Variants in TMEM178B observed in about 807,000 individuals in gnomAD.
TMEM178B encodes transmembrane protein 178B.
Under a neutral mutation model 31.0 loss-of-function variants are expected in TMEM178B, and 5 were observed. That is an observed-to-expected ratio of 0.16 (90% CI 0.08 to 0.34). TMEM178B has a LOEUF of 0.34. Among genes scored for constraint, TMEM178B ranks in the 10% least tolerant of loss-of-function variants. The pLI is 1.00. For synonymous variants in TMEM178B, 164 were observed against 164.0 expected (o/e 1.00, Z 0.00); for missense variants, 275 against 400.3 (o/e 0.69, Z 2.67).
At chr7:141,256,256 A>T (rs913382440) in intron 2 of TMEM178B, among the ~76,000 whole-genome samples, 1 of 152,240 alleles carries the variant, frequency 6.6e-6, no homozygotes, top group Non-Finnish European at 1.5e-5. Context: ...TTAAATTAAA[A>T]GAAGGGATAG....
chr7:141,309,651 T>TTATTTGTTA (rs1798874789), intron 2 of TMEM178B, among the ~76,000 whole-genome samples: 1 of 152,222 alleles, frequency 6.6e-6, no homozygotes, highest in African/African-American at 2.4e-5. Context: ...AGTTTACTGA[T>TTATTTGTTA]TATTTGTTAT....
intron 1 of TMEM178B, among the ~76,000 whole-genome samples, chr7:141,170,425 G>A (rs1796329680): frequency 6.6e-6 from 1 of 152,022 alleles, no homozygotes; most frequent in Non-Finnish European, 1.5e-5. Flanking sequence ...TTTATTGAGT[G>A]TGTTGTGACC....
intron 3 of TMEM178B, among the ~76,000 whole-genome samples, chr7:141,445,436 T>G (rs575118337): frequency 6.6e-6 from 1 of 152,368 alleles, no homozygotes; most frequent in South Asian, 2.1e-4. Context: ...CCCACCAGCC[T>G]TTCCCCACTG....
chr7:141,437,803 T>C, intron 3 of TMEM178B, 58 bp downstream of exon 3: 1 of 1,531,480 alleles, frequency 6.5e-7, no homozygotes, highest in Non-Finnish European at 8.7e-7. Context: ...TTACCACAAT[T>C]TGGGGAGAAT....
At chr7:141,236,413 TC>T (rs1467489312) in intron 2 of TMEM178B, among the ~76,000 whole-genome samples, 1 of 152,154 alleles carries the variant, frequency 6.6e-6, no homozygotes, top group Non-Finnish European at 1.5e-5. Flanking sequence ...TACTTCTTTC[TC>T]CCCTGGCTGC....
chr7:141,326,064 A>G (rs1306710217), intron 2 of TMEM178B, among the ~76,000 whole-genome samples: 1 of 152,204 alleles, frequency 6.6e-6, no homozygotes, highest in Non-Finnish European at 1.5e-5. Context: ...CCCTATTTTT[A>G]TAATATTCAG....
chr7:141,243,586 C>T (rs1797678313), intron 2 of TMEM178B, among the ~76,000 whole-genome samples: 1 of 151,968 alleles, frequency 6.6e-6, no homozygotes, highest in Non-Finnish European at 1.5e-5. Flanking sequence ...GAAGTGTGAC[C>T]GTTACCAGGT....
At chr7:141,382,363 C>T (rs972232992) in intron 2 of TMEM178B, among the ~76,000 whole-genome samples, 3 of 152,214 alleles carry the variant, frequency 2.0e-5, no homozygotes, top group Non-Finnish European at 4.4e-5. Context: ...AGCCTGCCCT[C>T]TCCTAGAGCT....
intron 2 of TMEM178B, among the ~76,000 whole-genome samples, chr7:141,324,628 G>A (rs971083174): frequency 2.0e-5 from 3 of 151,692 alleles, no homozygotes; most frequent in Non-Finnish European, 2.9e-5. Context: ...CTCATTTAAA[G>A]CACAGGTTGC....
chr7:141,229,100 G>GGTGTGTGTGTGTGTGTGTGTGT (rs3035765), intron 2 of TMEM178B, among the ~76,000 whole-genome samples: 1 of 134,782 alleles, frequency 7.4e-6, no homozygotes, highest in African/African-American at 2.8e-5. Context: ...GTGTGTGTGT[G>GGTGTGTGTGTGTGTGTGTGTGT]GTGTGTGTGT....
intron 1 of TMEM178B, among the ~76,000 whole-genome samples, chr7:141,084,832 C>T (rs945915742): frequency 1.3e-5 from 2 of 151,814 alleles, no homozygotes; most frequent in Admixed American, 6.6e-5. Context: ...AAATATAAGC[C>T]GGGCAGCAAA....
At chr7:141,391,411 C>T (rs771533900) in intron 2 of TMEM178B, among the ~76,000 whole-genome samples, 4 of 152,170 alleles carry the variant, frequency 2.6e-5, no homozygotes, top group African/African-American at 4.8e-5. Context: ...TTACCCGCCT[C>T]GGCATCCCAA....
chr7:141,325,814 C>T (rs1368200537), intron 2 of TMEM178B, among the ~76,000 whole-genome samples: 2 of 120,712 alleles, frequency 1.7e-5, no homozygotes, highest in African/African-American at 3.9e-5. Context: ...TCATGGAAGA[C>T]AGCCCTGGGA....
chr7:141,468,794 A>G (rs1232756729), intron 3 of TMEM178B, among the ~76,000 whole-genome samples: 25 of 152,186 alleles, frequency 1.6e-4, no homozygotes, highest in Admixed American at 1.5e-3. Flanking sequence ...TCTCTTGCAG[A>G]GAGAGAAGGG....
intron 2 of TMEM178B, among the ~76,000 whole-genome samples, chr7:141,216,483 G>GCGC (rs1563120785): frequency 7.4e-6 from 1 of 136,018 alleles, no homozygotes; most frequent in African/African-American, 2.6e-5. Context: ...GTGGGTGTGT[G>GCGC]GTGGGGAAGA....
At chr7:141,078,413 C>G (rs1422501064) in intron 1 of TMEM178B, among the ~76,000 whole-genome samples, 1 of 152,090 alleles carries the variant, frequency 6.6e-6, no homozygotes, top group Non-Finnish European at 1.5e-5. Flanking sequence ...GAGTGGTTGT[C>G]AATACTCCAA....
intron 2 of TMEM178B, among the ~76,000 whole-genome samples, chr7:141,298,301 G>A (rs950118166): frequency 1.3e-5 from 2 of 152,180 alleles, no homozygotes; most frequent in African/African-American, 4.8e-5. Flanking sequence ...CTCCCATTCT[G>A]TAGGTTGCCT....
the TMEM178B span, among the ~76,000 whole-genome samples, chr7:141,505,280 C>A: frequency 1.3e-5 from 2 of 152,238 alleles, no homozygotes; most frequent in African/African-American, 2.4e-5. Flanking sequence ...CCACCACTGT[C>A]GGGCTGTAAG....
At chr7:141,453,829 A>G (rs1801910663) in intron 3 of TMEM178B, among the ~76,000 whole-genome samples, 1 of 152,160 alleles carries the variant, frequency 6.6e-6, no homozygotes, top group Non-Finnish European at 1.5e-5. Context: ...ATTCTAGTTT[A>G]GGATTTCACA....
Sources: gnomAD v4.1 joint callset for allele counts (sites outside exome capture counted in the v4.1 genomes callset) on GRCh38, gnomAD v4.1.1 for gene constraint, MANE v1.5 for transcripts, NCBI Gene and HGNC (gene_info 2026-07-23, HGNC 2026-07-21) for gene names.